The following SRL variants were observed in gnomAD, a reference collection of about 807,000 sequenced individuals.
The protein encoded by SRL is sarcalumenin.
SRL carries 23 observed loss-of-function variants against 39.5 expected under a neutral mutation model. The observed-to-expected ratio is 0.58, with a 90% CI of 0.42 to 0.82. SRL has a LOEUF of 0.82. Ranked by LOEUF, SRL falls within the 40% of genes least tolerant of loss-of-function variation. SRL has a pLI of 0.00. For missense variants in SRL, 592 were observed against 607.8 expected, an observed-to-expected ratio of 0.97 and a Z score of 0.27; for synonymous variants, 272 against 237.4, an observed-to-expected ratio of 1.15 and a Z score of -1.34.
At chr16:4,233,015 C>G (rs920372645) in intron 1 of SRL, among the ~76,000 whole-genome samples, 8 of 152,232 alleles carry the variant, frequency 5.3e-5, no homozygotes, top group Admixed American at 4.6e-4. Flanking sequence ...TTGTCTGCAC[C>G]TGTTTGAGCT....
chr16:4,228,688 T>TC (rs1420193150), intron 1 of SRL, among the ~76,000 whole-genome samples: 1 of 150,800 alleles, frequency 6.6e-6, no homozygotes, highest in Non-Finnish European at 1.5e-5. Context: ...TGAGCCAAGA[T>TC]CATGCCACTG....
intron 1 of SRL, among the ~76,000 whole-genome samples, chr16:4,214,718 G>C (rs1234541672): frequency 6.6e-6 from 1 of 151,576 alleles, no homozygotes; most frequent in Non-Finnish European, 1.5e-5. Flanking sequence ...GTTTTTCCTT[G>C]ACTTTATCCT....
At chr16:4,226,553 G>A (rs1356532466) in intron 1 of SRL, among the ~76,000 whole-genome samples, 1 of 151,398 alleles carries the variant, frequency 6.6e-6, no homozygotes, top group Non-Finnish European at 1.5e-5. Flanking sequence ...ACACATAGAT[G>A]GAAAGATGGA....
chr16:4,215,910 C>T (rs1405680112), intron 1 of SRL, among the ~76,000 whole-genome samples: 1 of 152,136 alleles, frequency 6.6e-6, no homozygotes, highest in Non-Finnish European at 1.5e-5. Context: ...GTAGCGTGCG[C>T]CTGTGGTCCC....
chr16:4,232,157 C>G (rs900289273), intron 1 of SRL, among the ~76,000 whole-genome samples: 3 of 152,028 alleles, frequency 2.0e-5, no homozygotes, highest in African/African-American at 7.2e-5. Context: ...ACTACCAATT[C>G]GGAAAGGAAA....
intron 5 of SRL, among the ~76,000 whole-genome samples, chr16:4,195,100 G>C (rs1313159042): frequency 1.3e-5 from 2 of 151,824 alleles, no homozygotes; most frequent in East Asian, 3.9e-4. Flanking sequence ...TTGCCATGTT[G>C]TCCAAGCTGG....
chr16:4,237,396 C>G (rs1027102391), intron 1 of SRL, among the ~76,000 whole-genome samples: 2 of 152,192 alleles, frequency 1.3e-5, no homozygotes, highest in Non-Finnish European at 2.9e-5. Context: ...CACCAGCTGT[C>G]AGCTGGGTCC....
chr16:4,216,473 C>T (rs1026860904), intron 1 of SRL, among the ~76,000 whole-genome samples: 2 of 152,000 alleles, frequency 1.3e-5, no homozygotes, highest in African/African-American at 4.8e-5. Flanking sequence ...GGTTTCACCA[C>T]GTTTGCCAGG....
chr16:4,207,680 C>G (rs2052340691), intron 1 of SRL: 1 of 422,638 alleles, frequency 2.4e-6, no homozygotes, highest in Non-Finnish European at 4.7e-6. Context: ...CCGTGGGGAG[C>G]CCAAACCCAG....
intron 1 of SRL, among the ~76,000 whole-genome samples, chr16:4,231,027 T>C (rs1159225469): frequency 6.6e-6 from 1 of 152,176 alleles, no homozygotes. Context: ...AATAAATTTC[T>C]GTGGTTTTGG....
intron 1 of SRL, among the ~76,000 whole-genome samples, chr16:4,214,911 G>T (rs373020310): frequency 6.6e-6 from 1 of 152,020 alleles, no homozygotes; most frequent in Non-Finnish European, 1.5e-5. Context: ...GGGATTACAG[G>T]TGCCTGCCAC....
At chr16:4,220,828 A>T (rs1027198492) in intron 1 of SRL, among the ~76,000 whole-genome samples, 17 of 141,864 alleles carry the variant, frequency 1.2e-4, no homozygotes, top group African/African-American at 2.7e-4. Context: ...GAATATACTT[A>T]AAAAAAAATT....
At chr16:4,199,350 A>G (rs1040570991) in intron 3 of SRL, among the ~76,000 whole-genome samples, 4 of 148,520 alleles carry the variant, frequency 2.7e-5, no homozygotes, top group African/African-American at 5.0e-5. Context: ...ATTTGTAGCT[A>G]ACATATTCCC....
chr16:4,209,237 C>T (rs979227770), intron 1 of SRL, among the ~76,000 whole-genome samples: 3 of 151,704 alleles, frequency 2.0e-5, no homozygotes, highest in African/African-American at 4.8e-5. Context: ...CGCGCCACTG[C>T]ACTCCAGGCT....
At chr16:4,218,946 G>T (rs938396102) in intron 1 of SRL, among the ~76,000 whole-genome samples, 6 of 152,394 alleles carry the variant, frequency 3.9e-5, no homozygotes, top group Admixed American at 3.3e-4. Flanking sequence ...CAAAAGGCCA[G>T]ATTTTTCAAC....
chr16:4,233,963 G>C (rs897488846), intron 1 of SRL, among the ~76,000 whole-genome samples: 1 of 152,038 alleles, frequency 6.6e-6, no homozygotes, highest in African/African-American at 2.4e-5. Context: ...TCTCCTGCCA[G>C]GGCTGGCCAT....
chr16:4,215,014 C>T (rs1017661943), intron 1 of SRL, among the ~76,000 whole-genome samples: 3 of 152,098 alleles, frequency 2.0e-5, no homozygotes, highest in African/African-American at 2.4e-5. Context: ...GTGATCCACC[C>T]GCCTCAGCCT....
intron 1 of SRL, among the ~76,000 whole-genome samples, chr16:4,236,745 G>A (rs1176476079): frequency 6.6e-6 from 1 of 152,114 alleles, no homozygotes; most frequent in African/African-American, 2.4e-5. Flanking sequence ...CCGGGTACAA[G>A]CAATTCTCCT....
At chr16:4,197,320 T>C (rs1422643417) in intron 4 of SRL, among the ~76,000 whole-genome samples, 1 of 151,918 alleles carries the variant, frequency 6.6e-6, no homozygotes, top group Non-Finnish European at 1.5e-5. Flanking sequence ...TCCTCCTGCC[T>C]CAGCCTCCCA....
Sources: allele counts gnomAD v4.1 joint callset (sites outside exome capture counted in the v4.1 genomes callset), GRCh38; gene constraint gnomAD v4.1.1; transcripts MANE v1.5; gene names NCBI Gene and HGNC (gene_info 2026-07-23, HGNC 2026-07-21).